The following RGS9 variants were observed in gnomAD, a reference collection of about 807,000 sequenced individuals.
RGS9 encodes regulator of G-protein signalling 9.
Under a neutral mutation model 102.0 loss-of-function variants are expected in RGS9, and 78 were observed. That is an observed-to-expected ratio of 0.76 (90% confidence interval 0.64 to 0.92). RGS9 has a LOEUF of 0.92. Among genes scored for constraint, RGS9 ranks in the 40% least tolerant of loss-of-function variants. The pLI is 0.00. For synonymous variants in RGS9, 353 were observed against 318.6 expected, an observed-to-expected ratio of 1.11 and a Z score of -1.15; for missense variants, 833 against 866.1, an observed-to-expected ratio of 0.96 and a Z score of 0.48.
chr17:65,192,342 G>A (rs188583015), intron 11 of RGS9, among the ~76,000 whole-genome samples: 14 of 152,246 alleles, frequency 9.2e-5, no homozygotes, highest in Admixed American at 7.2e-4. Context: ...GGCCGGGAGC[G>A]GTGGCTCACG....
intron 6 of RGS9, 57 bp downstream of exon 6, chr17:65,160,966 C>G: frequency 7.2e-7 from 1 of 1,398,070 alleles, no homozygotes; most frequent in Non-Finnish European, 1.0e-6. Context: ...TAGTTTTGAG[C>G]TGTACTTTCC....
Position 65,189,285 on chromosome 17 carries a change from G to T in RGS9, c.655-1G>T, listed in dbSNP as rs1389855324. The T allele has an allele frequency of 1.9e-6, 3 of 1,611,808 alleles. No individual in the cohort carries two copies. Among genetic ancestry groups the T allele is most frequent in the African/African-American group, 1.3e-5 (1 of 74,856 alleles). On this transcript the variant is annotated splice_acceptor_variant, in intron 9 of 18. Coordinates refer to ENST00000262406, the MANE Select transcript of RGS9 (RefSeq NM_003835.4). LOFTEE classifies it high-confidence loss of function. The stretch of plus-strand genomic sequence containing the variant: ...AACGGTTTTGTTTCTTTGTCTTACA[G>T]AAACAAACAGTCGTTGCTGTCAAAA...
In RGS9 at chr17:65,148,816, G is replaced by A. The variant is rs148659406; in HGVS notation, c.58-4606G>A. ...TCCTGCCTCAGCCTTCCAGGTAGCT[G>A]GGATTACAGGCATGAGCTACCATGT... is the stretch of plus-strand genomic sequence containing the variant. On this transcript the variant is annotated intron_variant, in intron 1 of 18. Transcript: ENST00000262406. Among the ~76,000 whole-genome samples, 288 of 152,254 alleles carry A rather than the reference G, an allele frequency of 1.9e-3. 2 individuals are homozygous for A. Among genetic ancestry groups the A allele is most frequent in the African/African-American group, 6.6e-3 (276 of 41,552 alleles).
chr17:65,219,883 CCAT>C (rs1286415033), intron 17 of RGS9, among the ~76,000 whole-genome samples: 1 of 151,224 alleles, frequency 6.6e-6, no homozygotes, highest in African/African-American at 2.4e-5. Flanking sequence ...ACCATCATCA[CCAT>C]CATCATCATC....
At chr17:65,172,324 C>T (rs983068108) in intron 8 of RGS9, among the ~76,000 whole-genome samples, 3 of 152,140 alleles carry the variant, frequency 2.0e-5, no homozygotes, top group African/African-American at 7.2e-5. Context: ...CTGAATCAGC[C>T]TCCTGAGTAG....
chr17:65,180,758 G>T (rs1163893847), intron 9 of RGS9, among the ~76,000 whole-genome samples: 1 of 152,142 alleles, frequency 6.6e-6, no homozygotes. Context: ...CAGGAAATAA[G>T]CATAGTACTC....
chr17:65,190,150 C>G, intron 10 of RGS9, 25 bp from the exon 11 acceptor site: 1 of 1,596,506 alleles, frequency 6.3e-7, no homozygotes, highest in Non-Finnish European at 8.6e-7. Flanking sequence ...GGTTGAATAC[C>G]TTCTAACAAC....
chr17:65,211,206 C>G (rs1037477110), intron 17 of RGS9, among the ~76,000 whole-genome samples: 1 of 152,160 alleles, frequency 6.6e-6, no homozygotes, highest in Admixed American at 6.5e-5. Flanking sequence ...GAGGATCCGC[C>G]GAGGGGCTAG....
At chr17:65,205,081 T>A (rs916273700) in intron 15 of RGS9, among the ~76,000 whole-genome samples, 1 of 152,162 alleles carries the variant, frequency 6.6e-6, no homozygotes, top group African/African-American at 2.4e-5. Context: ...CTCTGGATTA[T>A]TAACAAAGTG....
At position 65,153,413 on chromosome 17, in the gene RGS9, G is replaced by C; in HGVS notation, c.58-9G>C. On this transcript the variant is annotated splice_polypyrimidine_tract_variant and intron_variant, in intron 1 of 18. Transcript: ENST00000262406. ...TCGTCAGTCGGCTTTTTCCTGTTCTGTCTTGCAGATTGAAGCGCTCGTGAA... is the reference window on the plus strand; with the variant it reads ...TCGTCAGTCGGCTTTTTCCTGTTCTCTCTTGCAGATTGAAGCGCTCGTGAA... 1 of 1,612,490 alleles carries C rather than the reference G, an allele frequency of 6.2e-7. No individual in the cohort carries two copies. Among genetic ancestry groups the C allele is most frequent in the Non-Finnish European group, 8.5e-7 (1 of 1,178,516 alleles).
At chr17:65,217,691 G>T (rs1485769366) in intron 17 of RGS9, among the ~76,000 whole-genome samples, 3 of 152,108 alleles carry the variant, frequency 2.0e-5, no homozygotes, top group Non-Finnish European at 2.9e-5. Flanking sequence ...TGAGGTGGGG[G>T]TGTTTGCCAA....
intron 15 of RGS9, among the ~76,000 whole-genome samples, chr17:65,206,531 A>T (rs1363425499): frequency 2.0e-5 from 3 of 152,174 alleles, no homozygotes; most frequent in Non-Finnish European, 4.4e-5. Flanking sequence ...TACAAAAATT[A>T]GCTGGGCGTG....
chr17:65,215,497 GTTCTTTCTTTCTTTCTTTCTTTCT>G (rs779043184), intron 17 of RGS9, among the ~76,000 whole-genome samples: 14 of 133,648 alleles, frequency 1.0e-4, no homozygotes, highest in Non-Finnish European at 2.1e-4. Context: ...TCGTTCTTTC[GTTCTTTCTTTCTTTCTTTCTTTCT>G]TTCTTTCTTT....
intron 8 of RGS9, among the ~76,000 whole-genome samples, chr17:65,169,354 C>T (rs540276678): frequency 2.6e-5 from 4 of 152,284 alleles, no homozygotes; most frequent in South Asian, 2.1e-4. Context: ...TCTAGGGAAA[C>T]CAGTTTACAG....
intron 1 of RGS9, among the ~76,000 whole-genome samples, chr17:65,148,295 A>G (rs1011055746): frequency 1.3e-5 from 2 of 152,254 alleles, no homozygotes; most frequent in Non-Finnish European, 2.9e-5. Flanking sequence ...TGCATAGAAC[A>G]CATTTTCTTT....
At chr17:65,160,154 T>A in intron 3 of RGS9, 79 bp from the exon 4 acceptor site, 1 of 1,079,114 alleles carries the variant, frequency 9.3e-7, no homozygotes, top group Non-Finnish European at 1.4e-6. Context: ...GTCCTGGAGT[T>A]TGGGGTGCCG....
chr17:65,192,706 CA>C (rs1912419695), intron 11 of RGS9, among the ~76,000 whole-genome samples: 1 of 151,974 alleles, frequency 6.6e-6, no homozygotes, highest in South Asian at 2.1e-4. Flanking sequence ...TATGTATTTC[CA>C]TAATAGCTAG....
intron 9 of RGS9, among the ~76,000 whole-genome samples, chr17:65,179,767 T>G (rs1375931136): frequency 6.6e-6 from 1 of 151,740 alleles, no homozygotes; most frequent in African/African-American, 2.4e-5. Flanking sequence ...GGGTGACTTC[T>G]GAGGAGGGTG....
intron 7 of RGS9, 61 bp from the exon 8 acceptor site, chr17:65,168,139 G>A (rs1911264172): frequency 9.2e-7 from 1 of 1,089,302 alleles, no homozygotes; most frequent in Non-Finnish European, 1.4e-6. Context: ...GGAATGAGGG[G>A]CATCACTAAT....
Sources: gnomAD v4.1 joint callset for allele counts (sites outside exome capture counted in the v4.1 genomes callset) on GRCh38, gnomAD v4.1.1 for gene constraint, MANE v1.5 for transcripts, NCBI Gene and HGNC (gene_info 2026-07-23, HGNC 2026-07-21) for gene names.